The following ARHGAP26 variants were observed in gnomAD, a reference collection of about 807,000 sequenced individuals.
ARHGAP26 encodes rho GTPase-activating protein 26.
A neutral mutation model predicts 104.8 loss-of-function variants in ARHGAP26; 38 were observed. The observed-to-expected ratio is 0.36, with a 90% confidence interval of 0.28 to 0.48. The LOEUF (loss-of-function observed/expected upper bound fraction) is 0.48. Ranked by LOEUF, ARHGAP26 falls within the 20% of genes least tolerant of loss-of-function variation. The pLI is 0.99. For synonymous variants in ARHGAP26, 341 were observed against 340.0 expected (o/e 1.00, Z -0.03); for missense variants, 704 against 947.9 (o/e 0.74, Z 3.38).
At chr5:142,986,459 G>T (rs929915487) in intron 11 of ARHGAP26, among the ~76,000 whole-genome samples, 1 of 152,176 alleles carries the variant, frequency 6.6e-6, no homozygotes, top group Non-Finnish European at 1.5e-5. Context: ...TCTGTAGGTT[G>T]CCTGCTCACT....
chr5:142,906,559 T>G (rs1761136724), intron 8 of ARHGAP26, among the ~76,000 whole-genome samples: 1 of 152,224 alleles, frequency 6.6e-6, no homozygotes, highest in Non-Finnish European at 1.5e-5. Flanking sequence ...CTTTCCATTG[T>G]CAGTTTGGAT....
intron 22 of ARHGAP26, chr5:143,216,219 A>G: frequency 2.1e-6 from 1 of 471,434 alleles, no homozygotes; most frequent in Non-Finnish European, 4.4e-6. Flanking sequence ...AGCCATCTTC[A>G]CTGCCACACC....
intron 6 of ARHGAP26, among the ~76,000 whole-genome samples, chr5:142,895,677 G>A (rs546753883): frequency 6.6e-6 from 1 of 152,194 alleles, no homozygotes; most frequent in South Asian, 2.1e-4. Context: ...AGACTTGCTG[G>A]TAGTTTCATC....
chr5:143,123,278 C>T (rs556059612), intron 18 of ARHGAP26, among the ~76,000 whole-genome samples: 1 of 152,362 alleles, frequency 6.6e-6, no homozygotes, highest in East Asian at 1.9e-4. Flanking sequence ...GGTTTGTCGT[C>T]TTTGTGAGAG....
intron 1 of ARHGAP26, among the ~76,000 whole-genome samples, chr5:142,802,513 A>G (rs1373223893): frequency 6.6e-6 from 1 of 152,190 alleles, no homozygotes; most frequent in Non-Finnish European, 1.5e-5. Flanking sequence ...TGTAATGTTG[A>G]GGACAAAAAA....
At chr5:143,117,319 G>A (rs1414713661) in intron 17 of ARHGAP26, among the ~76,000 whole-genome samples, 1 of 152,190 alleles carries the variant, frequency 6.6e-6, no homozygotes, top group South Asian at 2.1e-4. Flanking sequence ...CCATGCATCT[G>A]TAAATTCATC....
intron 1 of ARHGAP26, among the ~76,000 whole-genome samples, chr5:142,796,715 C>T (rs1761052962): frequency 6.6e-6 from 1 of 152,234 alleles, no homozygotes; most frequent in Non-Finnish European, 1.5e-5. Flanking sequence ...CCTCACATTG[C>T]CTATGTGTAT....
At chr5:143,031,378 G>A (rs1023226919) in intron 12 of ARHGAP26, among the ~76,000 whole-genome samples, 1 of 152,234 alleles carries the variant, frequency 6.6e-6, no homozygotes, top group Non-Finnish European at 1.5e-5. Context: ...GGAGGTTAAT[G>A]CAGTCATCCT....
At chr5:143,051,740 C>G (rs142858138) in intron 14 of ARHGAP26, among the ~76,000 whole-genome samples, 1 of 152,190 alleles carries the variant, frequency 6.6e-6, no homozygotes, top group Non-Finnish European at 1.5e-5. Context: ...TCTAATGTTA[C>G]GCAATATTCC....
chr5:142,948,310 TTAG>T (rs1767475789), intron 11 of ARHGAP26, among the ~76,000 whole-genome samples: 1 of 151,980 alleles, frequency 6.6e-6, no homozygotes, highest in Non-Finnish European at 1.5e-5. Flanking sequence ...AGCAGTAAAA[TTAG>T]GATGGGTGTG....
chr5:142,890,147 AAAAAATATATATATATATATATATATAT>A (rs1758349106), intron 5 of ARHGAP26, among the ~76,000 whole-genome samples: 1 of 78,574 alleles, frequency 1.3e-5, no homozygotes, highest in African/African-American at 5.8e-5. Flanking sequence ...AAAAAAAAAA[AAAAAATATATATATATATATATATATAT>A]ATATATATAT....
rs141522172 is a variant in ARHGAP26, at chr5:142,783,871, A to G, written c.154+12956A>G. Among the ~76,000 whole-genome samples the G allele has an allele frequency of 4.5e-4, 69 of 152,362 alleles. 1 individual carries two copies. Among genetic ancestry groups the G allele is most frequent in the African/African-American group, 1.6e-3 (65 of 41,598 alleles). ...AAAAATAAGGTTTTCTTGCATTTGTATCTGACTAGTGCACTGAAATGTTTG... is the reference window on the plus strand; with the variant it reads ...AAAAATAAGGTTTTCTTGCATTTGTGTCTGACTAGTGCACTGAAATGTTTG... On this transcript the variant is annotated intron_variant, in intron 1 of 22. Coordinates refer to ENST00000645722, the MANE Select transcript of ARHGAP26 (RefSeq NM_001135608.3).
At chr5:143,139,267 A>G (rs1283619110) in intron 19 of ARHGAP26, among the ~76,000 whole-genome samples, 3 of 152,216 alleles carry the variant, frequency 2.0e-5, no homozygotes, top group African/African-American at 7.2e-5. Flanking sequence ...ATCTCGTGTC[A>G]TCCCCACAAT....
intron 3 of ARHGAP26, among the ~76,000 whole-genome samples, chr5:142,876,237 A>G (rs925233009): frequency 6.6e-6 from 1 of 152,188 alleles, no homozygotes; most frequent in Non-Finnish European, 1.5e-5. Context: ...CCTAGGAAAT[A>G]CTGCATCAAT....
At chr5:142,857,181 T>C (rs1752496031) in intron 1 of ARHGAP26, among the ~76,000 whole-genome samples, 1 of 152,252 alleles carries the variant, frequency 6.6e-6, no homozygotes, top group African/African-American at 2.4e-5. Flanking sequence ...GTCCTAGTCC[T>C]ATATGACCTC....
At chr5:142,831,174 G>A (rs1301255489) in intron 1 of ARHGAP26, among the ~76,000 whole-genome samples, 2 of 152,062 alleles carry the variant, frequency 1.3e-5, no homozygotes, top group Non-Finnish European at 2.9e-5. Context: ...TGTTGAGTTG[G>A]TTCTCTCAGG....
chr5:143,163,531 AC>A (rs33921825), intron 20 of ARHGAP26, among the ~76,000 whole-genome samples: 48,567 of 151,470 alleles, frequency 0.32, 8,598 homozygotes, highest in East Asian at 0.48. Context: ...GCTCACTGCA[AC>A]CTTTGCCTCC....
chr5:142,804,697 G>A (rs1762660534), intron 1 of ARHGAP26, among the ~76,000 whole-genome samples: 1 of 152,052 alleles, frequency 6.6e-6, no homozygotes, highest in African/African-American at 2.4e-5. Flanking sequence ...TCACCATGTT[G>A]CCTAGGCTGG....
intron 1 of ARHGAP26, chr5:142,771,397 C>T: frequency 4.9e-6 from 6 of 1,231,898 alleles, no homozygotes; most frequent in Non-Finnish European, 6.1e-6. Flanking sequence ...CTGCTTCGCT[C>T]CCTGTACGCA....
Sources: allele counts gnomAD v4.1 joint callset (sites outside exome capture counted in the v4.1 genomes callset), GRCh38; gene constraint gnomAD v4.1.1; transcripts MANE v1.5; gene names NCBI Gene and HGNC (gene_info 2026-07-23, HGNC 2026-07-21).